Variants in ATRNL1 observed in about 807,000 individuals in gnomAD.
The protein encoded by ATRNL1 is attractin-like protein 1.
Under a neutral mutation model 182.7 loss-of-function variants are expected in ATRNL1, and 95 were observed. The observed-to-expected ratio is 0.52, with a 90% CI of 0.44 to 0.62. The LOEUF is 0.62. Ranked by LOEUF, ATRNL1 falls within the 20% of genes least tolerant of loss-of-function variation. ATRNL1 has a pLI of 0.00. For synonymous variants in ATRNL1, 576 were observed against 568.3 expected (o/e 1.01, Z -0.19); for missense variants, 1,471 against 1,679.5 (o/e 0.88, Z 2.17).
At chr10:115,273,489 A>G (rs1462202492) in intron 13 of ATRNL1, among the ~76,000 whole-genome samples, 2 of 151,930 alleles carry the variant, frequency 1.3e-5, no homozygotes, top group Non-Finnish European at 2.9e-5. Context: ...ATACAGACAA[A>G]CCATTGGCCA....
intron 21 of ATRNL1, among the ~76,000 whole-genome samples, chr10:115,452,111 G>A (rs1299405745): frequency 1.3e-5 from 2 of 152,128 alleles, no homozygotes; most frequent in Non-Finnish European, 2.9e-5. Flanking sequence ...CTACTTGAGT[G>A]TGGAGAATGG....
intron 28 of ATRNL1, among the ~76,000 whole-genome samples, chr10:115,927,893 GT>G (rs1953282038): frequency 6.6e-6 from 1 of 152,020 alleles, no homozygotes; most frequent in Non-Finnish European, 1.5e-5. Context: ...AAGTAGTATG[GT>G]TCAGGAAGAA....
intron 20 of ATRNL1, among the ~76,000 whole-genome samples, chr10:115,417,927 G>A (rs1371543084): frequency 6.6e-6 from 1 of 152,146 alleles, no homozygotes; most frequent in Non-Finnish European, 1.5e-5. Flanking sequence ...ACTCTGGAAG[G>A]CCCTCTGAAG....
intron 26 of ATRNL1, among the ~76,000 whole-genome samples, chr10:115,574,300 A>G (rs915327582): frequency 6.6e-5 from 10 of 150,934 alleles, no homozygotes; most frequent in South Asian, 4.2e-4. Context: ...GCAGATATAT[A>G]TATCTACATA....
At chr10:115,172,827 A>G (rs1317544355) in intron 8 of ATRNL1, among the ~76,000 whole-genome samples, 1 of 145,192 alleles carries the variant, frequency 6.9e-6, no homozygotes, top group Non-Finnish European at 1.5e-5. Context: ...TTTCATAATT[A>G]CTGTTCTCAA....
intron 25 of ATRNL1, among the ~76,000 whole-genome samples, chr10:115,540,353 C>A (rs11197282): frequency 0.41 from 62,420 of 151,752 alleles, 13,405 homozygotes; most frequent in Middle Eastern, 0.53. Context: ...TGCATTGTGA[C>A]CATAGCCTCC....
chr10:115,509,473 G>C (rs1554982115), intron 24 of ATRNL1, among the ~76,000 whole-genome samples: 1 of 151,984 alleles, frequency 6.6e-6, no homozygotes, highest in African/African-American at 2.4e-5. Context: ...TCTTGGTGCT[G>C]ATAGTGAGTG....
At chr10:115,944,454 C>A (rs1414199283) in intron 28 of ATRNL1, among the ~76,000 whole-genome samples, 1 of 152,068 alleles carries the variant, frequency 6.6e-6, no homozygotes, top group Non-Finnish European at 1.5e-5. Context: ...TTTCTTAGAT[C>A]TTTCTTCTTC....
intron 26 of ATRNL1, among the ~76,000 whole-genome samples, chr10:115,592,090 G>A (rs1359844209): frequency 6.6e-6 from 1 of 152,122 alleles, no homozygotes; most frequent in South Asian, 2.1e-4. Flanking sequence ...AATACTGGAT[G>A]GTCTCACTTC....
Position 115,266,818 on chromosome 10 carries a change from A to T in ATRNL1, c.1794A>T (p.Gly598=). 6.2e-7 allele frequency: 1 copy of T among 1,604,040 alleles called. No homozygotes were observed. The highest frequency in any genetic ancestry group is 8.5e-7 in the Non-Finnish European group (1 of 1,173,892). Residue 598 remains glycine, a synonymous_variant, in exon 12 of 29, where the codon GGA becomes GGT. Transcript: ENST00000355044. ...ATAGGTCCATGTATATATTTGGGGG[A>T]TTTTCTAGTGTACTCCTTAATGATA... ...VINGSMYIFG[G]FSSVLLNDIL...
chr10:115,588,215 C>A (rs1855685664), intron 26 of ATRNL1, among the ~76,000 whole-genome samples: 2 of 152,068 alleles, frequency 1.3e-5, no homozygotes, highest in Admixed American at 1.3e-4. Context: ...CCTTCTCATC[C>A]CTCTCTCACC....
chr10:115,942,595 T>G (rs1228905972), intron 28 of ATRNL1, among the ~76,000 whole-genome samples: 1 of 152,248 alleles, frequency 6.6e-6, no homozygotes, highest in Non-Finnish European at 1.5e-5. Context: ...AGGAAATATG[T>G]GAAGCTTACC....
At chr10:115,629,521 G>A (rs1214141534) in intron 26 of ATRNL1, among the ~76,000 whole-genome samples, 1 of 152,106 alleles carries the variant, frequency 6.6e-6, no homozygotes, top group East Asian at 1.9e-4. Flanking sequence ...TCTGGATATG[G>A]TTTTATTGCT....
intron 26 of ATRNL1, among the ~76,000 whole-genome samples, chr10:115,639,669 A>T (rs1859106741): frequency 6.6e-6 from 1 of 152,182 alleles, no homozygotes. Flanking sequence ...CAGAGCAACC[A>T]CTATGGAAAC....
At chr10:115,655,929 A>T (rs1294921207) in intron 26 of ATRNL1, among the ~76,000 whole-genome samples, 1 of 152,144 alleles carries the variant, frequency 6.6e-6, no homozygotes, top group African/African-American at 2.4e-5. Flanking sequence ...CCGTGCACTA[A>T]ATAGGAAAAT....
At chr10:115,869,658 A>T (rs1455947814) in intron 28 of ATRNL1, among the ~76,000 whole-genome samples, 1 of 152,214 alleles carries the variant, frequency 6.6e-6, no homozygotes, top group Non-Finnish European at 1.5e-5. Flanking sequence ...TTATAAAATT[A>T]ATGTTTTCAT....
intron 28 of ATRNL1, among the ~76,000 whole-genome samples, chr10:115,928,947 T>A (rs1240280250): frequency 6.6e-6 from 1 of 151,996 alleles, no homozygotes; most frequent in Non-Finnish European, 1.5e-5. Context: ...TTCACTTCAA[T>A]GTGATTGTCC....
rs534317870 is a variant in ATRNL1 at position 115,903,849 on chromosome 10, C to G, written c.4019-40809C>G. 2.4e-4 allele frequency among the ~76,000 whole-genome samples: 37 copies of G among 152,276 alleles called. 1 individual carries two copies. The South Asian group carries it at 6.6e-3, about 27-fold the overall frequency. On this transcript the variant is annotated intron_variant, in intron 28 of 28. Coordinates refer to ENST00000355044, the MANE Select transcript of ATRNL1 (RefSeq NM_207303.4). ...GGCAGTGGCAAGGAGATCCCATAAG[C>G]ATTTCATTTTAACTTTGCATTTTAA...
chr10:115,668,748 C>G (rs11197399), intron 26 of ATRNL1, among the ~76,000 whole-genome samples: 1 of 152,038 alleles, frequency 6.6e-6, no homozygotes, highest in Non-Finnish European at 1.5e-5. Flanking sequence ...TAACTTTAAC[C>G]TTTTTATATC....
Sources: allele counts gnomAD v4.1 joint callset (sites outside exome capture counted in the v4.1 genomes callset), GRCh38; gene constraint gnomAD v4.1.1; transcripts MANE v1.5; gene names NCBI Gene and HGNC (gene_info 2026-07-23, HGNC 2026-07-21).